The following MAP3K6 variants were observed in gnomAD, a reference collection of about 807,000 sequenced individuals.
MAP3K6 encodes apoptosis signal-regulating kinase 2.
A neutral mutation model predicts 147.1 loss-of-function variants in MAP3K6; 105 were observed. That is an observed-to-expected ratio of 0.71 (90% CI 0.61 to 0.84). The LOEUF (loss-of-function observed/expected upper bound fraction) is 0.84. Among genes scored for constraint, MAP3K6 ranks in the 40% least tolerant of loss-of-function variants. MAP3K6 has a pLI of 0.00. For missense variants in MAP3K6, 1,569 were observed against 1,715.0 expected (o/e 0.91, Z 1.50); for synonymous variants, 695 against 732.4 (o/e 0.95, Z 0.82).
intron 25 of MAP3K6, 36 bp from the exon 26 acceptor site, chr1:27,356,536 T>C (rs2015529410): frequency 8.7e-6 from 14 of 1,611,346 alleles, no homozygotes; most frequent in Non-Finnish European, 1.1e-5. Flanking sequence ...GAGCGGTGAG[T>C]GGTGAGTGGG....
chr1:27,361,146 A>T lies in MAP3K6; in HGVS notation c.1832+11T>A. ...GCCCTCAGAGTACCCCGACCATGAAAGGCTGCGCACCACTGGCAGTGCCCT... is the reference window on the plus strand; with the variant it reads ...GCCCTCAGAGTACCCCGACCATGAATGGCTGCGCACCACTGGCAGTGCCCT... On this transcript the variant is annotated intron_variant, in intron 13 of 28. Transcript: ENST00000357582. The T allele has an allele frequency of 6.2e-7, 1 of 1,600,796 alleles. No homozygotes were observed. Among genetic ancestry groups the T allele is most frequent in the Non-Finnish European group, 8.5e-7 (1 of 1,174,548 alleles).
chr1:27,355,763 C>A lies in MAP3K6; in HGVS notation c.3712-18G>T. The A allele has an allele frequency of 1.2e-6, 2 of 1,610,240 alleles. No individual in the cohort carries two copies. Among genetic ancestry groups the A allele is most frequent in the Non-Finnish European group, 1.7e-6 (2 of 1,176,686 alleles). On this transcript the variant is annotated intron_variant, in intron 27 of 28. Transcript: ENST00000357582. ...TTCAACAGCTGGATGTGGTCAAAGA[C>A]CCGCAGAAAGAGGGAAATAAGAAAT...
chr1:27,360,081 G>A lies in MAP3K6; in HGVS notation c.2183-87C>T. On this transcript the variant is annotated intron_variant, in intron 16 of 28. Transcript: ENST00000357582. This position sits in a 1 kb window ranked among gnomAD's most constrained non-coding sequence, Gnocchi z 4.5. ...CTCAAGGCCCAGACACACCCATGTTGTAGCCCAACTCCATCACCCAGCGCC... is the reference window on the plus strand; with the variant it reads ...CTCAAGGCCCAGACACACCCATGTTATAGCCCAACTCCATCACCCAGCGCC... 1 of 1,591,908 alleles carries A rather than the reference G, an allele frequency of 6.3e-7. No individual in the cohort carries two copies. The highest frequency in any genetic ancestry group is 1.1e-5 in the South Asian group (1 of 89,354).
intron 8 of MAP3K6, among the ~76,000 whole-genome samples, 180 bp downstream of exon 8, chr1:27,362,461 G>T (rs1557564593): frequency 6.6e-6 from 1 of 152,136 alleles, no homozygotes; most frequent in Admixed American, 6.5e-5. Context: ...AACATTTGTG[G>T]GTTTGAGGGC....
Position 27,358,258 on chromosome 1 carries a change from C to A in MAP3K6, c.2838G>T (p.Pro946=), listed in dbSNP as rs757864814. 3.1e-6 allele frequency: 5 copies of A among 1,601,234 alleles called. No homozygotes were observed. Among genetic ancestry groups the A allele is most frequent in the Non-Finnish European group, 4.2e-6 (5 of 1,176,706 alleles). Residue 946 remains proline (P), a synonymous_variant, in exon 21 of 29, where the codon CCG becomes CCT. Coordinates refer to ENST00000357582, the MANE Select transcript of MAP3K6 (RefSeq NM_004672.5). The surrounding 1 kb of genome is among the most constrained non-coding windows in gnomAD (Gnocchi z 6.2). The part of the protein sequence containing the change: ...ANSTTQSQTF[P]CPQAPSQHPP... ...GGTGCTGAGAGGGTGCCTGAGGGCA[C>A]GGGAATGTCTGAGACTGGGTGGTTG...
Position 27,364,252 on chromosome 1 carries a change from A to G in MAP3K6, c.647T>C (p.Leu216Pro), listed in dbSNP as rs2015894021. Residue 216 changes from leucine (L) to proline (P), a missense_variant, in exon 4 of 29, where the codon CTG becomes CCG. Physicochemically the swap from Leu to Pro is moderately conservative, Grantham distance 98. Transcript: ENST00000357582. This position sits in a 1 kb window ranked among gnomAD's most constrained non-coding sequence, Gnocchi z 4.4. The part of the protein sequence containing the change: ...GVGTEALLTP[L>P]VGRLARLLEA... ...CAGCAGGCGGGCAAGCCGGCCCACC[A>G]GGGGAGTGAGCAGGGCCTCGGTCCC... 5.6e-6 allele frequency: 9 copies of G among 1,613,484 alleles called. No individual in the cohort carries two copies. The highest frequency in any genetic ancestry group is 7.6e-6 in the Non-Finnish European group (9 of 1,179,990).
Position 27,362,245 on chromosome 1 carries a change from T to A in MAP3K6, c.1261A>T (p.Lys421Ter). 1 of 1,610,100 alleles carries A rather than the reference T, an allele frequency of 6.2e-7. No individual in the cohort carries two copies. ...DSKELRLIGM[K>*]LGCLLARKGC... ...TTGCGGGCCAGCAGGCAGCCCAGCT[T>A]CATGCCTGGGGGAGAGAGGCATGGG... is the stretch of plus-strand genomic sequence containing the variant. Residue 421 changes from lysine to a stop codon, truncating the protein, a stop_gained, in exon 9 of 29, where the codon AAG (lysine) becomes TAG (stop). Coordinates refer to ENST00000357582, the MANE Select transcript of MAP3K6 (RefSeq NM_004672.5). LOFTEE classifies it high-confidence loss of function.
Position 27,362,978 on chromosome 1 carries a change from G to A in MAP3K6, c.1015C>T (p.Leu339=). 3.7e-6 allele frequency: 6 copies of A among 1,614,018 alleles called. No individual in the cohort carries two copies. The highest frequency in any genetic ancestry group is 5.1e-6 in the Non-Finnish European group (6 of 1,179,984). The change falls in exon 7 of 29, where the codon CTG becomes TTG. Residue 339 remains leucine (L), a synonymous_variant. Transcript: ENST00000357582. ...GAGCCCTCAAGCTGTACCAGCGGCA[G>A]CAGCACAGACAGGGCCTTCGCCCGG... ...GDRAKALSVL[L]PLVQLEGSVA...
intron 23 of MAP3K6, 69 bp from the exon 24 acceptor site, chr1:27,357,183 G>A (rs1206007168): frequency 3.4e-6 from 5 of 1,459,528 alleles, no homozygotes; most frequent in Non-Finnish European, 4.8e-6. Context: ...AGTTGGAAAG[G>A]CCTAGAAAGT....
intron 21 of MAP3K6, 89 bp from the exon 22 acceptor site, chr1:27,357,965 T>C (rs769889677): frequency 9.5e-6 from 14 of 1,480,852 alleles, no homozygotes; most frequent in African/African-American, 1.4e-5. Context: ...CTCTCCTACT[T>C]TTATGCCTAC....
chr1:27,361,306 A>C (rs758418550), intron 12 of MAP3K6, 40 bp downstream of exon 12: 2 of 1,613,092 alleles, frequency 1.2e-6, no homozygotes, highest in East Asian at 2.2e-5. Flanking sequence ...AGCGACCCTC[A>C]CCTCCCGTCT....
At position 27,359,500 on chromosome 1, in the gene MAP3K6, G is replaced by A; in HGVS notation, c.2342C>T (p.Thr781Ile). 6.2e-7 allele frequency: 1 copy of A among 1,614,100 alleles called. No individual in the cohort carries two copies. Among genetic ancestry groups the A allele is most frequent in the Non-Finnish European group, 8.5e-7 (1 of 1,180,022 alleles). ...DIKGDNVLIN[T>I]FSGLLKISDF... ...AGAAATCTTGAGCAGCCCACTGAAG[G>A]TGTTGATCAGCACATTGTCCCCCTG... The change falls in exon 18 of 29, where the codon ACC (threonine) becomes ATC (isoleucine). Residue 781 changes from threonine (T) to isoleucine (I), a missense_variant. Transcript: ENST00000357582. This position sits in a 1 kb window ranked among gnomAD's most constrained non-coding sequence, Gnocchi z 4.4.
chr1:27,360,492 A>G lies in MAP3K6; in HGVS notation c.2055-124T>C, dbSNP rs965037499. The G allele has an allele frequency of 9.2e-6, 6 of 654,114 alleles. No individual in the cohort carries two copies. The African/African-American group carries it at 2.8e-4, about 31-fold the overall frequency. The allele number at this position is 654,114 out of a possible 1,614,324, so 40.5% of individuals were successfully genotyped here. A position where few individuals can be genotyped will look rare whatever the true frequency, so the allele number is the denominator to read the frequency against. ...CCACAAGCCCTCTCCGACCTTCCCC[A>G]CCCTTACTACCCTGCCCACAGGACC... On this transcript the variant is annotated intron_variant, in intron 15 of 28. Transcript: ENST00000357582. This position sits in a 1 kb window ranked among gnomAD's most constrained non-coding sequence, Gnocchi z 4.5.
At position 27,355,710 on chromosome 1, in the gene MAP3K6, G is replaced by A. The variant is rs76570472; in HGVS notation, c.3747C>T (p.Leu1249=). ...LNHSFTLHTL[L]TYATRDDLIY... ...TGAGGTCATCTCGAGTGGCATAGGT[G>A]AGCAGAGTGTGGAGGGTGAAGCTAT... The change falls in exon 28 of 29, where the codon CTC becomes CTT. Residue 1249 remains leucine, a synonymous_variant. Transcript: ENST00000357582. The A allele has an allele frequency of 3.6e-3, 5,864 of 1,612,758 alleles. 120 individuals are homozygous for A. The African/African-American group carries it at 0.058, about 16-fold the overall frequency.
chr1:27,359,408 C>T lies in MAP3K6; in HGVS notation c.2425+9G>A. Reference sequence around the variant, plus strand: ...AGCATCCCCACTCACCACCCCCACACCTTGTTACCTGTGAAGGTCTCAGTG... The same window carrying T: ...AGCATCCCCACTCACCACCCCCACATCTTGTTACCTGTGAAGGTCTCAGTG... On this transcript the variant is annotated intron_variant, in intron 18 of 28. Transcript: ENST00000357582. The surrounding 1 kb of genome is among the most constrained non-coding windows in gnomAD (Gnocchi z 4.4). 1 of 1,614,126 alleles carries T rather than the reference C, an allele frequency of 6.2e-7. No homozygotes were observed.
At chr1:27,365,243 TC>T (rs1181023132) in intron 1 of MAP3K6, among the ~76,000 whole-genome samples, 2 of 151,868 alleles carry the variant, frequency 1.3e-5, no homozygotes, top group African/African-American at 4.8e-5. Context: ...AACATAGAAG[TC>T]CCCTCCCTTT....
Position 27,364,404 on chromosome 1 carries a change from G to A in MAP3K6, c.505-10C>T. On this transcript the variant is annotated splice_polypyrimidine_tract_variant and intron_variant, in intron 3 of 28. Coordinates refer to ENST00000357582, the MANE Select transcript of MAP3K6 (RefSeq NM_004672.5). The surrounding 1 kb of genome is among the most constrained non-coding windows in gnomAD (Gnocchi z 4.4). Reference sequence around the variant, plus strand: ...AGCTGCCAACGCAATCCTGGTGGGAGGGAGGCAGGAATCAGTGAGGTCAGA... The same window carrying A: ...AGCTGCCAACGCAATCCTGGTGGGAAGGAGGCAGGAATCAGTGAGGTCAGA... The A allele has an allele frequency of 1.2e-6, 2 of 1,613,540 alleles. No individual in the cohort carries two copies. Among genetic ancestry groups the A allele is most frequent in the Non-Finnish European group, 1.7e-6 (2 of 1,179,666 alleles).
intron 13 of MAP3K6, 56 bp from the exon 14 acceptor site, chr1:27,361,064 C>A: frequency 1.3e-6 from 2 of 1,536,592 alleles, no homozygotes; most frequent in Non-Finnish European, 1.8e-6. Flanking sequence ...CCACCTAAGC[C>A]GGAGCATCCA....
In MAP3K6 at chr1:27,355,452, C is replaced by T. The variant is rs940888969; in HGVS notation, c.3806G>A (p.Arg1269His). 7 of 1,614,010 alleles carry T rather than the reference C, an allele frequency of 4.3e-6. No homozygotes were observed. The highest frequency in any genetic ancestry group is 2.2e-5 in the East Asian group (1 of 44,896). ...CTGTGCCAAGATGGCCCTCCAGATG[C>T]GGCATACCATCCCTCCCCTGGGGGT... ...YTRIRGGMVC[R>H]IWRAILAQRA... The change falls in exon 29 of 29, where the codon CGC (arginine) becomes CAC (histidine). Residue 1269 changes from arginine to histidine, a missense_variant. Physicochemically the swap from Arg to His is conservative, Grantham distance 29. Transcript: ENST00000357582.
Sources: allele counts gnomAD v4.1 joint callset (sites outside exome capture counted in the v4.1 genomes callset), GRCh38; gene constraint gnomAD v4.1.1; non-coding constraint Gnocchi (gnomAD v3.1); transcripts MANE v1.5; gene names NCBI Gene and HGNC (gene_info 2026-07-23, HGNC 2026-07-21).